Variants in SMIM10L3 observed in about 807,000 individuals in gnomAD.
SMIM10L3 encodes salivary gland specific protein SAGSIN1.
the SMIM10L3 span, among the ~76,000 whole-genome samples, chr7:6,332,203 G>A: frequency 6.6e-6 from 1 of 151,752 alleles, no homozygotes; most frequent in Non-Finnish European, 1.5e-5. Context: ...TTCAGGTTAT[G>A]TAATTTTATA....
chr7:6,338,298 C>G, the SMIM10L3 span, among the ~76,000 whole-genome samples: 1 of 151,990 alleles, frequency 6.6e-6, no homozygotes, highest in African/African-American at 2.4e-5. Context: ...ATATATTGTA[C>G]CAGATAAAAT....
chr7:6,337,313 G>A, the SMIM10L3 span, among the ~76,000 whole-genome samples: 2 of 151,846 alleles, frequency 1.3e-5, no homozygotes, highest in African/African-American at 4.8e-5. Context: ...GTAGATATGG[G>A]GTTTTACCAT....
At chr7:6,332,900 C>A in the SMIM10L3 span, among the ~76,000 whole-genome samples, 3 of 152,092 alleles carry the variant, frequency 2.0e-5, no homozygotes, top group Admixed American at 2.0e-4. Context: ...GTGGCTCATG[C>A]CTGTAATCCC....
the SMIM10L3 span, among the ~76,000 whole-genome samples, chr7:6,337,761 TATTTA>T: frequency 6.6e-6 from 1 of 151,634 alleles, no homozygotes; most frequent in Admixed American, 6.6e-5. Flanking sequence ...AGTAATAAAC[TATTTA>T]ATTCTCTCAT....
the SMIM10L3 span, among the ~76,000 whole-genome samples, chr7:6,336,607 C>T: frequency 6.6e-6 from 1 of 151,860 alleles, no homozygotes; most frequent in Non-Finnish European, 1.5e-5. Context: ...TCACTTGAGC[C>T]CAGGAAGCAG....
chr7:6,339,856 C>G, the SMIM10L3 span, among the ~76,000 whole-genome samples: 15 of 151,690 alleles, frequency 9.9e-5, no homozygotes. Flanking sequence ...GGAGAGTGTG[C>G]AGAGGCCGGG....
At chr7:6,331,952 G>C in the SMIM10L3 span, among the ~76,000 whole-genome samples, 24 of 151,480 alleles carry the variant, frequency 1.6e-4, no homozygotes, top group Non-Finnish European at 2.9e-4. Context: ...CGCCATGTTG[G>C]CCAGGTGAAA....
chr7:6,347,893 T>C, the SMIM10L3 span, among the ~76,000 whole-genome samples: 1 of 142,704 alleles, frequency 7.0e-6, no homozygotes, highest in East Asian at 2.1e-4. Context: ...TTTATTATTA[T>C]TATTATTATT....
chr7:6,334,124 G>C, the SMIM10L3 span, among the ~76,000 whole-genome samples: 1 of 151,602 alleles, frequency 6.6e-6, no homozygotes, highest in South Asian at 2.1e-4. Flanking sequence ...GGGATTACAA[G>C]CGTGAGCCAC....
chr7:6,340,344 CA>C, the SMIM10L3 span, among the ~76,000 whole-genome samples: 1 of 152,126 alleles, frequency 6.6e-6, no homozygotes, highest in East Asian at 1.9e-4. Flanking sequence ...CAGGGAAGGA[CA>C]AAACGCTGCT....
chr7:6,329,542 T>C, the SMIM10L3 span: 7 of 153,514 alleles, frequency 4.6e-5, no homozygotes, highest in South Asian at 1.2e-3. Context: ...ATCCCGAAAA[T>C]GTTTAAGTTT....
chr7:6,336,620 G>A, the SMIM10L3 span, among the ~76,000 whole-genome samples: 8 of 151,714 alleles, frequency 5.3e-5, no homozygotes, highest in Non-Finnish European at 7.4e-5. Context: ...GGAAGCAGAG[G>A]CTGCCGTGAG....
At chr7:6,343,399 T>C in the SMIM10L3 span, among the ~76,000 whole-genome samples, 2 of 202 alleles carry the variant, frequency 9.9e-3, no homozygotes, top group Non-Finnish European at 0.018. Context: ...AATAATTTCA[T>C]ATATATATAT....
chr7:6,347,964 G>A, the SMIM10L3 span, among the ~76,000 whole-genome samples: 1 of 150,048 alleles, frequency 6.7e-6, no homozygotes, highest in African/African-American at 2.4e-5. Context: ...AGGCTGGAGC[G>A]CAATGGAGCG....
At chr7:6,333,482 G>C in the SMIM10L3 span, among the ~76,000 whole-genome samples, 6 of 152,260 alleles carry the variant, frequency 3.9e-5, no homozygotes, top group East Asian at 1.2e-3. Context: ...AGGAGGGACA[G>C]ACTAAAGTTT....
At chr7:6,339,898 G>A in the SMIM10L3 span, among the ~76,000 whole-genome samples, 7 of 149,178 alleles carry the variant, frequency 4.7e-5, no homozygotes, top group Admixed American at 1.3e-4. Context: ...CTGACTTTCC[G>A]CAGGGAGCAT....
chr7:6,333,635 A>G, the SMIM10L3 span, among the ~76,000 whole-genome samples: 6 of 151,528 alleles, frequency 4.0e-5, no homozygotes, highest in Admixed American at 3.3e-4. Flanking sequence ...TGTCACTGGG[A>G]TTACAGGCAG....
the SMIM10L3 span, among the ~76,000 whole-genome samples, chr7:6,338,094 A>G: frequency 1.5e-4 from 23 of 152,260 alleles, no homozygotes; most frequent in African/African-American, 5.3e-4. Context: ...GTGAGCCACT[A>G]TGCCCAGCCA....
the SMIM10L3 span, among the ~76,000 whole-genome samples, chr7:6,344,983 T>C: frequency 6.6e-6 from 1 of 152,164 alleles, no homozygotes; most frequent in African/African-American, 2.4e-5. Flanking sequence ...TCAGGTGATC[T>C]GCCTGCCTCA....
Sources: gnomAD v4.1 joint callset for allele counts (sites outside exome capture counted in the v4.1 genomes callset) on GRCh38, gnomAD v4.1.1 for gene constraint, MANE v1.5 for transcripts, NCBI Gene and HGNC (gene_info 2026-07-23, HGNC 2026-07-21) for gene names.